KIF24: variants seen among roughly 807,000 people sequenced by gnomAD.
The protein encoded by KIF24 is kinesin family member 24.
Under a neutral mutation model 118.9 loss-of-function variants are expected in KIF24, and 81 were observed. That is an observed-to-expected ratio of 0.68 (90% CI 0.57 to 0.82). The LOEUF is 0.82. Among genes scored for constraint, KIF24 ranks in the 40% least tolerant of loss-of-function variants. The probability of loss-of-function intolerance (pLI) is 0.00; values close to 1 mark genes in which losing one functional copy is unlikely to be tolerated. For synonymous variants in KIF24, 599 were observed against 610.0 expected, an observed-to-expected ratio of 0.98 and a Z score of 0.27; for missense variants, 1,560 against 1,661.6, an observed-to-expected ratio of 0.94 and a Z score of 1.06.
At chr9:34,283,125 G>A (rs909126551) in intron 6 of KIF24, among the ~76,000 whole-genome samples, 2 of 150,990 alleles carry the variant, frequency 1.3e-5, no homozygotes, top group Non-Finnish European at 2.9e-5. Flanking sequence ...CCAGCACTTC[G>A]GGAGGTCAAG....
At chr9:34,316,786 T>A in intron 1 of KIF24, among the ~76,000 whole-genome samples, 1 of 152,130 alleles carries the variant, frequency 6.6e-6, no homozygotes, top group Non-Finnish European at 1.5e-5. Context: ...AAATAGTGCT[T>A]ACTGGCTGGG....
chr9:34,325,607 G>A (rs946006982), intron 1 of KIF24, among the ~76,000 whole-genome samples: 2 of 147,954 alleles, frequency 1.4e-5, no homozygotes, highest in African/African-American at 5.0e-5. Context: ...CATGAGAATC[G>A]CTGGAACCTG....
At chr9:34,259,515 G>T in intron 10 of KIF24, 81 bp downstream of exon 10, 3 of 1,021,644 alleles carry the variant, frequency 2.9e-6, no homozygotes, top group South Asian at 1.3e-5. Flanking sequence ...ACACACGCGT[G>T]CACACATGCT....
chr9:34,286,072 G>A (rs146722823), intron 6 of KIF24, among the ~76,000 whole-genome samples: 3,730 of 152,056 alleles, frequency 0.025, 74 homozygotes, highest in Non-Finnish European at 0.035. Flanking sequence ...GGTGGCTCAC[G>A]GCTGTAATCC....
chr9:34,319,473 T>C (rs1037761896), intron 1 of KIF24: 3 of 1,284,654 alleles, frequency 2.3e-6, no homozygotes, highest in South Asian at 1.2e-5. Flanking sequence ...CGCCTTTGAG[T>C]TGGACACAGA....
rs1563936830 is a variant in KIF24 at position 34,262,712 on chromosome 9, A to ATG, written c.1515+387_1515+388dup. ...TATATATATATATATATATATATAT[A>ATG]TGGCCAGGCATGATGGCATATGCCT... On this transcript the variant is annotated intron_variant, in intron 9 of 12. Coordinates refer to ENST00000402558, the MANE Select transcript of KIF24 (RefSeq NM_194313.4). 3.2e-4 allele frequency among the ~76,000 whole-genome samples: 16 copies of ATG among 50,262 alleles called. 1 individual carries two copies. The highest frequency in any genetic ancestry group is 0.013 in the Middle Eastern group (1 of 80). 33.0% of individuals were successfully genotyped at this position (50,262 alleles called of 152,430 possible). A position where few individuals can be genotyped will look rare whatever the true frequency, so the allele number is the denominator to read the frequency against.
At chr9:34,258,132 C>T (rs1834928631) in intron 10 of KIF24, among the ~76,000 whole-genome samples, 151 bp from the exon 11 acceptor site, 1 of 152,120 alleles carries the variant, frequency 6.6e-6, no homozygotes, top group Non-Finnish European at 1.5e-5. Flanking sequence ...GAAAAGGGAA[C>T]ATTCTGTTTC....
At chr9:34,319,623 C>T (rs890190914) in intron 1 of KIF24, 69 of 897,140 alleles carry the variant, frequency 7.7e-5, no homozygotes, top group Non-Finnish European at 1.2e-4. Flanking sequence ...CCTGGTCCGG[C>T]CTAAGGTTGA....
intron 8 of KIF24, among the ~76,000 whole-genome samples, chr9:34,267,467 C>T (rs1835337543): frequency 6.6e-6 from 1 of 151,906 alleles, no homozygotes; most frequent in African/African-American, 2.4e-5. Context: ...AATATAGAAC[C>T]TAAATCTGAT....
chr9:34,262,675 AATATATATATATATATATATATAT>A (rs1428160924), intron 9 of KIF24, among the ~76,000 whole-genome samples: 43 of 27,060 alleles, frequency 1.6e-3, no homozygotes, highest in African/African-American at 7.6e-3. Flanking sequence ...AAAAAAAAAA[AATATATATATATATATATATATAT>A]ATATATATAT....
intron 3 of KIF24, among the ~76,000 whole-genome samples, chr9:34,297,594 C>T (rs1474205262): frequency 1.3e-5 from 2 of 152,004 alleles, no homozygotes; most frequent in African/African-American, 4.8e-5. Context: ...AACCCCATCT[C>T]TACTAAAAAT....
intron 8 of KIF24, among the ~76,000 whole-genome samples, chr9:34,268,948 A>T (rs967497601): frequency 6.6e-6 from 1 of 152,238 alleles, no homozygotes; most frequent in Non-Finnish European, 1.5e-5. Context: ...AAAAATTAAT[A>T]TAATTTTAAA....
intron 1 of KIF24, among the ~76,000 whole-genome samples, chr9:34,314,491 G>C (rs771229760): frequency 6.6e-6 from 1 of 151,924 alleles, no homozygotes; most frequent in Non-Finnish European, 1.5e-5. Flanking sequence ...AAAATATATA[G>C]ATACCTGAGC....
Position 34,306,397 on chromosome 9 carries a change from T to C in KIF24, c.668A>G (p.Lys223Arg). The C allele has an allele frequency of 6.2e-7, 1 of 1,612,616 alleles. No individual in the cohort carries two copies. Among genetic ancestry groups the C allele is most frequent in the Non-Finnish European group, 8.5e-7 (1 of 1,179,352 alleles). Residue 223 changes from lysine (K) to arginine (R), a missense_variant, in exon 3 of 13, where the codon AAA (lysine) becomes AGA (arginine). Coordinates refer to ENST00000402558, the MANE Select transcript of KIF24 (RefSeq NM_194313.4). ...GCGTTTTCGAACACAAACTCTGATT[T>C]TCTCCATCTCAGTCCAAGGATTCTG... is the stretch of plus-strand genomic sequence containing the variant. ...EKQNPWTEMEKIRVCVRKRPL... is the reference protein window; with the variant it reads ...EKQNPWTEMERIRVCVRKRPL...
At chr9:34,298,656 A>C (rs1327787375) in intron 3 of KIF24, among the ~76,000 whole-genome samples, 1 of 152,200 alleles carries the variant, frequency 6.6e-6, no homozygotes, top group Non-Finnish European at 1.5e-5. Context: ...TAATTCAGTA[A>C]ATAGTGGGGA....
intron 6 of KIF24, among the ~76,000 whole-genome samples, chr9:34,278,098 AC>A (rs1835720622): frequency 6.6e-6 from 1 of 151,724 alleles, no homozygotes; most frequent in African/African-American, 2.4e-5. Flanking sequence ...ACATGGTGAA[AC>A]CCCATCTCTA....
intron 9 of KIF24, among the ~76,000 whole-genome samples, chr9:34,262,797 G>A (rs1835143877): frequency 6.8e-6 from 1 of 147,764 alleles, no homozygotes; most frequent in African/African-American, 2.5e-5. Flanking sequence ...GGAGGCAGAG[G>A]CCACAGTAAG....
intron 1 of KIF24, among the ~76,000 whole-genome samples, chr9:34,328,838 G>A (rs2131845265): frequency 6.6e-6 from 1 of 152,338 alleles, no homozygotes; most frequent in Non-Finnish European, 1.5e-5. Flanking sequence ...TCAAAAGCAA[G>A]AAGGCTTTGG....
rs772045629 is a variant in KIF24, at chr9:34,257,321, T to C, written c.2286A>G (p.Glu762=). 2 of 1,613,940 alleles carry C rather than the reference T, an allele frequency of 1.2e-6. No individual in the cohort carries two copies. Among genetic ancestry groups the C allele is most frequent in the African/African-American group, 1.3e-5 (1 of 74,950 alleles). ...NIPPHQKERE[E]HLRFYHQQFQ... The stretch of plus-strand genomic sequence containing the variant: ...ACTGCTGGTGATAGAAACGCAGATG[T>C]TCCTCCCTCTCCTTCTGATGTGGCG... Residue 762 remains glutamate (E), a synonymous_variant, in exon 11 of 13, where the codon GAA becomes GAG. Transcript: ENST00000402558.
Sources: allele counts gnomAD v4.1 joint callset (sites outside exome capture counted in the v4.1 genomes callset), GRCh38; gene constraint gnomAD v4.1.1; transcripts MANE v1.5; gene names NCBI Gene and HGNC (gene_info 2026-07-23, HGNC 2026-07-21).